PUS7: variants seen among roughly 807,000 people sequenced by gnomAD.
PUS7 encodes pseudouridine synthase 7, also known as pseudouridylate synthase 7 homolog.
PUS7 carries 48 observed loss-of-function variants against 79.8 expected under a neutral mutation model. The ratio of observed to expected loss-of-function variants is 0.60; its 90% CI spans 0.48 to 0.76. The LOEUF is 0.76. Among genes scored for constraint, PUS7 ranks in the 30% least tolerant of loss-of-function variants. The probability of loss-of-function intolerance (pLI) is 0.00; values close to 1 mark genes in which losing one functional copy is unlikely to be tolerated. For synonymous variants in PUS7, 286 were observed against 272.2 expected (o/e 1.05, Z -0.50); for missense variants, 729 against 797.6 (o/e 0.91, Z 1.04).
In PUS7 at chr7:105,508,115, C is replaced by T; in HGVS notation, c.398G>A (p.Arg133Lys). 6.2e-7 allele frequency: 1 copy of T among 1,607,852 alleles called. No homozygotes were observed. Among genetic ancestry groups the T allele is most frequent in the Non-Finnish European group, 8.5e-7 (1 of 1,176,920 alleles). ...HQGFSGILKE[R>K]YSDFVVHEIG... ...AACTTTATTCATAAACTAAATGTAC[C>T]TTTCTTTTAAGATTCCCGAGAACCC... The change falls in exon 2 of 16, where the codon AGA becomes AAA. Residue 133 changes from arginine to lysine, a missense_variant and splice_region_variant. Coordinates refer to ENST00000469408, the MANE Select transcript of PUS7 (RefSeq NM_019042.5).
intron 15 of PUS7, 135 bp downstream of exon 15, chr7:105,459,033 G>C (rs1214804829): frequency 1.1e-4 from 53 of 494,730 alleles, no homozygotes; most frequent in Non-Finnish European, 1.1e-5. Context: ...AATTGTGAAA[G>C]TAAGGTCATA....
rs536510514 is a variant in PUS7, at chr7:105,465,609, G to A, written c.1526-195C>T. Among the ~76,000 whole-genome samples the A allele has an allele frequency of 1.2e-3, 186 of 152,226 alleles. 2 individuals are homozygous for A. Among genetic ancestry groups the A allele is most frequent in the Middle Eastern group, 6.8e-3 (2 of 294 alleles). On this transcript the variant is annotated intron_variant, in intron 12 of 15. Coordinates refer to ENST00000469408, the MANE Select transcript of PUS7 (RefSeq NM_019042.5). ...GCACTTTGGGAGGCCAAGGTGGGTG[G>A]ATCACCCAAGGTTGGGAGTTCGAGA...
chr7:105,484,102 G>T (rs950100918), intron 7 of PUS7, among the ~76,000 whole-genome samples: 1 of 152,042 alleles, frequency 6.6e-6, no homozygotes, highest in African/African-American at 2.4e-5. Flanking sequence ...ATTTAATTAG[G>T]ATAGTATTTA....
intron 3 of PUS7, 60 bp from the exon 4 acceptor site, chr7:105,506,116 C>G: frequency 6.4e-7 from 1 of 1,564,652 alleles, no homozygotes; most frequent in Non-Finnish European, 8.7e-7. Context: ...TTTAATAAAG[C>G]TCTATATTTC....
intron 1 of PUS7, among the ~76,000 whole-genome samples, chr7:105,516,619 A>G (rs1825906288): frequency 6.6e-6 from 1 of 151,824 alleles, no homozygotes; most frequent in South Asian, 2.1e-4. Context: ...ACGCCCAGCT[A>G]ATTTTTGTGT....
intron 13 of PUS7, among the ~76,000 whole-genome samples, chr7:105,463,152 G>A (rs1823502152): frequency 6.6e-6 from 1 of 152,150 alleles, no homozygotes; most frequent in Non-Finnish European, 1.5e-5. Context: ...AAAAATAAGA[G>A]ACCTTGGAAA....
chr7:105,461,174 GA>G (rs562682542), intron 14 of PUS7, among the ~76,000 whole-genome samples: 39 of 152,266 alleles, frequency 2.6e-4, no homozygotes, highest in South Asian at 1.4e-3. Flanking sequence ...TTCCTCTCTA[GA>G]AACATGATAT....
At position 105,470,748 on chromosome 7, in the gene PUS7, C is replaced by A. The variant is rs1231829792; in HGVS notation, c.1338G>T (p.Gly446=). Residue 446 remains glycine (G), a synonymous_variant, in exon 11 of 16, where the codon GGG becomes GGT. Transcript: ENST00000469408. ...RKLPVKRCVE[G]QLLRGLSKYG... is the part of the protein sequence containing the mutation. ...ATTTTGAAAGTCCTCGAAGCAGCTG[C>A]CCTTCCACACACCTTTTGACAGGTA... 15 of 1,612,092 alleles carry A rather than the reference C, an allele frequency of 9.3e-6. No individual in the cohort carries two copies. Among genetic ancestry groups the A allele is most frequent in the Non-Finnish European group, 1.3e-5 (15 of 1,178,506 alleles).
At chr7:105,504,731 C>T (rs538702112) in intron 4 of PUS7, among the ~76,000 whole-genome samples, 1 of 152,246 alleles carries the variant, frequency 6.6e-6, no homozygotes, top group East Asian at 1.9e-4. Flanking sequence ...AAACTTGGAC[C>T]ATCCTTCTGG....
chr7:105,472,263 A>C, intron 9 of PUS7, 70 bp from the exon 10 acceptor site: 4 of 925,060 alleles, frequency 4.3e-6, no homozygotes. Flanking sequence ...CAAATCTTTG[A>C]AGAGTCAACA....
At chr7:105,497,330 G>A (rs1435222156) in intron 5 of PUS7, among the ~76,000 whole-genome samples, 3 of 152,162 alleles carry the variant, frequency 2.0e-5, no homozygotes, top group Admixed American at 2.0e-4. Flanking sequence ...ACTTAAATAT[G>A]GGAGGACATG....
At position 105,489,914 on chromosome 7, in the gene PUS7, T is replaced by G. The variant is rs538724073; in HGVS notation, c.920+1626A>C. On this transcript the variant is annotated intron_variant, in intron 7 of 15. Coordinates refer to ENST00000469408, the MANE Select transcript of PUS7 (RefSeq NM_019042.5). ...TGGGTGGATCACCTGAGGTCAGGAG[T>G]TCAAGACCAGCCTGGCCAACATGGC... is the stretch of plus-strand genomic sequence containing the variant. Among the ~76,000 whole-genome samples the G allele has an allele frequency of 1.1e-4, 16 of 150,514 alleles. No individual in the cohort carries two copies. In the South Asian group the frequency reaches 3.4e-3, roughly 32 times the overall value.
Position 105,508,599 on chromosome 7 carries a change from C to T in PUS7, c.-32-55G>A, listed in dbSNP as rs371611104. The T allele has an allele frequency of 5.5e-5, 84 of 1,528,340 alleles. No individual in the cohort carries two copies. In the Admixed American group the frequency reaches 7.0e-4, roughly 13 times the overall value. 94.7% of individuals were successfully genotyped at this position (1,528,340 alleles called of 1,614,324 possible). On this transcript the variant is annotated intron_variant, in intron 1 of 15. Transcript: ENST00000469408. ...ACCTATATAAAAGCTGGTTTCAGGC[C>T]GGGCGCGGTGGCTCACACCTGTAAT... is the stretch of plus-strand genomic sequence containing the variant.
At chr7:105,521,834 C>A (rs1331183135) in intron 1 of PUS7, among the ~76,000 whole-genome samples, 1 of 128,750 alleles carries the variant, frequency 7.8e-6, no homozygotes, top group Non-Finnish European at 1.8e-5. Context: ...CGGAGAGCGG[C>A]GCCTGCACCG....
chr7:105,495,729 A>G (rs1296051633), intron 5 of PUS7, among the ~76,000 whole-genome samples: 1 of 152,216 alleles, frequency 6.6e-6, no homozygotes, highest in Non-Finnish European at 1.5e-5. Flanking sequence ...TGGGTGACAG[A>G]GCAAGACCCT....
rs115661690 is a variant in PUS7, at chr7:105,498,182, T to C, written c.731-2929A>G. 2.8e-3 allele frequency among the ~76,000 whole-genome samples: 421 copies of C among 152,312 alleles called. 3 individuals are homozygous for C. The highest frequency in any genetic ancestry group is 9.7e-3 in the African/African-American group (405 of 41,564). On this transcript the variant is annotated intron_variant, in intron 5 of 15. Coordinates refer to ENST00000469408, the MANE Select transcript of PUS7 (RefSeq NM_019042.5). Reference sequence around the variant, plus strand: ...AAACAACAGATACAAGTATGCATTCTTTTTCTAAGTACACTCAATATACAA... The same window carrying C: ...AAACAACAGATACAAGTATGCATTCCTTTTCTAAGTACACTCAATATACAA...
At chr7:105,518,485 C>T (rs1353598793) in intron 1 of PUS7, among the ~76,000 whole-genome samples, 1 of 151,824 alleles carries the variant, frequency 6.6e-6, no homozygotes, top group Non-Finnish European at 1.5e-5. Flanking sequence ...TCAATGCAGC[C>T]TCGACCTCCC....
At chr7:105,459,081 G>A (rs951735441) in intron 15 of PUS7, 87 bp downstream of exon 15, 13 of 723,942 alleles carry the variant, frequency 1.8e-5, no homozygotes, top group Non-Finnish European at 2.9e-5. Flanking sequence ...GGTAGTGCTT[G>A]TAAGAGCAGT....
rs181034888 is a variant in PUS7 at position 105,474,729 on chromosome 7, C to G, written c.1176-2536G>C. Among the ~76,000 whole-genome samples, 32 of 152,028 alleles carry G rather than the reference C, an allele frequency of 2.1e-4. 1 individual carries two copies. The highest frequency in any genetic ancestry group is 7.7e-4 in the African/African-American group (32 of 41,484). Reference sequence around the variant, plus strand: ...CCAGGAGGCGGAGGTTGCAGTGAGCCGAGATGGTGCCACTGCACTCCAGCC... The same window carrying G: ...CCAGGAGGCGGAGGTTGCAGTGAGCGGAGATGGTGCCACTGCACTCCAGCC... On this transcript the variant is annotated intron_variant, in intron 9 of 15. Transcript: ENST00000469408.
Sources: allele counts gnomAD v4.1 joint callset (sites outside exome capture counted in the v4.1 genomes callset), GRCh38; gene constraint gnomAD v4.1.1; transcripts MANE v1.5; gene names NCBI Gene and HGNC (gene_info 2026-07-23, HGNC 2026-07-21).